RFTN1: variants seen among roughly 807,000 people sequenced by gnomAD.
RFTN1 encodes raftlin.
A neutral mutation model predicts 46.5 loss-of-function variants in RFTN1; 26 were observed. That is an observed-to-expected ratio of 0.56 (90% CI 0.41 to 0.78). RFTN1 has a LOEUF of 0.78. RFTN1 is among the 30% of genes least tolerant of loss of function. The pLI is 0.00. For synonymous variants in RFTN1, 261 were observed against 284.2 expected, an observed-to-expected ratio of 0.92 and a Z score of 0.82; for missense variants, 693 against 718.7, an observed-to-expected ratio of 0.96 and a Z score of 0.41.
At chr3:16,435,920 AT>A (rs2075502750) in intron 2 of RFTN1, among the ~76,000 whole-genome samples, 3 of 5,030 alleles carry the variant, frequency 6.0e-4, no homozygotes, top group Non-Finnish European at 1.0e-3. Flanking sequence ...AGATGTAAAT[AT>A]ATATATATAT....
chr3:16,503,627 C>T (rs534091075), intron 1 of RFTN1, among the ~76,000 whole-genome samples: 1 of 152,266 alleles, frequency 6.6e-6, no homozygotes, highest in African/African-American at 2.4e-5. Context: ...TACACCCTCA[C>T]CTCCAGGACT....
At position 16,400,322 on chromosome 3, in the gene RFTN1, C is replaced by A. The variant is rs2074570277; in HGVS notation, c.441+9053G>T. On this transcript the variant is annotated intron_variant, in intron 4 of 9. Coordinates refer to ENST00000334133, the MANE Select transcript of RFTN1 (RefSeq NM_015150.2). This position sits in a 1 kb window ranked among gnomAD's most constrained non-coding sequence, Gnocchi z 4.5. ...AGTCCCCACCACCTCCACCCTCCCT[C>A]CCCTGTTGACCCTCAGGTCTTGGTA... 6.6e-6 allele frequency among the ~76,000 whole-genome samples: 1 copy of A among 152,232 alleles called. No homozygotes were observed. Among genetic ancestry groups the A allele is most frequent in the South Asian group, 2.1e-4 (1 of 4,838 alleles).
chr3:16,438,800 G>A (rs1158181783), intron 2 of RFTN1, among the ~76,000 whole-genome samples: 2 of 151,960 alleles, frequency 1.3e-5, no homozygotes, highest in South Asian at 2.1e-4. Flanking sequence ...AATCACAGGC[G>A]GTGGCACTGG....
intron 4 of RFTN1, among the ~76,000 whole-genome samples, chr3:16,404,404 TAATATATATACACAATATAC>T: frequency 9.8e-6 from 1 of 101,760 alleles, no homozygotes; most frequent in South Asian, 2.7e-4. Context: ...ATACAATATA[TAATATATATACACAATATAC>T]ATATATTTTG....
intron 5 of RFTN1, among the ~76,000 whole-genome samples, chr3:16,375,033 GAGA>G (rs1478493549): frequency 1.3e-5 from 2 of 152,186 alleles, no homozygotes; most frequent in Non-Finnish European, 2.9e-5. Flanking sequence ...ATTAACTGAG[GAGA>G]AGGAGGGAAG....
intron 9 of RFTN1, among the ~76,000 whole-genome samples, chr3:16,318,615 G>A (rs184709054): frequency 1.3e-5 from 2 of 151,624 alleles, no homozygotes; most frequent in East Asian, 3.9e-4. Flanking sequence ...TACATTATAG[G>A]ATTCTTGGAT....
chr3:16,355,342 A>C (rs1208400117), intron 7 of RFTN1, among the ~76,000 whole-genome samples: 1 of 152,240 alleles, frequency 6.6e-6, no homozygotes, highest in African/African-American at 2.4e-5. Flanking sequence ...TTTATAAATA[A>C]TAGAAACTTA....
rs935155681 is a variant in RFTN1, at chr3:16,317,592, T to A, written c.1333-360A>T. On this transcript the variant is annotated intron_variant, in intron 9 of 9. Transcript: ENST00000334133. This position sits in a 1 kb window ranked among gnomAD's most constrained non-coding sequence, Gnocchi z 4.3. ...GAGGAGATGTGAGGCCTGCCCCCAG[T>A]AAGAGCCAGAGCTGCAGCTACTCAT... Among the ~76,000 whole-genome samples, 10 of 152,150 alleles carry A rather than the reference T, an allele frequency of 6.6e-5. No homozygotes were observed. Among genetic ancestry groups the A allele is most frequent in the African/African-American group, 2.4e-4 (10 of 41,426 alleles).
In RFTN1 at chr3:16,373,625, C is replaced by T. The variant is rs1303064718; in HGVS notation, c.827-3346G>A. 3.3e-5 allele frequency among the ~76,000 whole-genome samples: 5 copies of T among 152,290 alleles called. No homozygotes were observed. The East Asian group carries it at 5.8e-4, about 18-fold the overall frequency. ...CAGGGGACTGGCTGGGCCCTGCTGT[C>T]CCAGGAGACCTCTGGTCTGGAGAGA... is the stretch of plus-strand genomic sequence containing the variant. On this transcript the variant is annotated intron_variant, in intron 5 of 9. Transcript: ENST00000334133.
intron 2 of RFTN1, among the ~76,000 whole-genome samples, chr3:16,453,230 A>AAT (rs937469988): frequency 1.3e-5 from 2 of 152,212 alleles, no homozygotes; most frequent in Non-Finnish European, 2.9e-5. Context: ...CTATGCTCTT[A>AAT]ACCTCTACAC....
chr3:16,490,127 C>A (rs2076516539), intron 2 of RFTN1, among the ~76,000 whole-genome samples: 1 of 152,230 alleles, frequency 6.6e-6, no homozygotes, highest in Admixed American at 6.5e-5. Flanking sequence ...ACAGGCTCAT[C>A]TCAGCTAGAA....
chr3:16,443,249 T>G lies in RFTN1; in HGVS notation c.146-9212A>C, dbSNP rs2125516113. ...CACCAACACTTCTTATCTCTTGTAT[T>G]TTTGATAGTAGCCATTCTAACAGGT... On this transcript the variant is annotated intron_variant, in intron 2 of 9. Coordinates refer to ENST00000334133, the MANE Select transcript of RFTN1 (RefSeq NM_015150.2). The surrounding 1 kb of genome is among the most constrained non-coding windows in gnomAD (Gnocchi z 5.5). Among the ~76,000 whole-genome samples, 1 of 152,356 alleles carries G rather than the reference T, an allele frequency of 6.6e-6. No individual in the cohort carries two copies. The highest frequency in any genetic ancestry group is 2.4e-5 in the African/African-American group (1 of 41,586).
At position 16,370,751 on chromosome 3, in the gene RFTN1, A is replaced by C. The variant is rs2073463242; in HGVS notation, c.827-472T>G. 1 of 159,144 alleles carries C rather than the reference A, an allele frequency of 6.3e-6. No homozygotes were observed. The highest frequency in any genetic ancestry group is 1.8e-4 in the South Asian group (1 of 5,464). The allele number at this position is 159,144 out of a possible 1,614,324, so 9.9% of individuals were successfully genotyped here. The stretch of plus-strand genomic sequence containing the variant: ...GTACACTCCTGAACTCACTATTTAT[A>C]AACTGCAGTAGTGTTTCCTGGGGCT... On this transcript the variant is annotated intron_variant, in intron 5 of 9. Coordinates refer to ENST00000334133, the MANE Select transcript of RFTN1 (RefSeq NM_015150.2). This position sits in a 1 kb window ranked among gnomAD's most constrained non-coding sequence, Gnocchi z 5.5.
At position 16,504,556 on chromosome 3, in the gene RFTN1, C is replaced by T. The variant is rs1003162618; in HGVS notation, c.-9+8886G>A. On this transcript the variant is annotated intron_variant, in intron 1 of 9. Transcript: ENST00000334133. The surrounding 1 kb of genome is among the most constrained non-coding windows in gnomAD (Gnocchi z 4.4). ...TCAAAGATGTGAAATATCCCTTGGCCACCCTGTGCCTTTGCTGCAGTGCCT... is the reference window on the plus strand; with the variant it reads ...TCAAAGATGTGAAATATCCCTTGGCTACCCTGTGCCTTTGCTGCAGTGCCT... Among the ~76,000 whole-genome samples the T allele has an allele frequency of 6.6e-6, 1 of 152,192 alleles. No individual in the cohort carries two copies. Among genetic ancestry groups the T allele is most frequent in the African/African-American group, 2.4e-5 (1 of 41,434 alleles).
At chr3:16,357,582 T>C (rs532279367) in intron 7 of RFTN1, among the ~76,000 whole-genome samples, 3 of 152,166 alleles carry the variant, frequency 2.0e-5, no homozygotes, top group Non-Finnish European at 4.4e-5. Flanking sequence ...GGCTCCAATA[T>C]TGATGCTGCT....
chr3:16,505,874 T>C (rs1367907400), intron 1 of RFTN1, among the ~76,000 whole-genome samples: 5 of 152,206 alleles, frequency 3.3e-5, no homozygotes, highest in African/African-American at 1.2e-4. Context: ...TCTAGGCCAT[T>C]GATTCATCCA....
intron 5 of RFTN1, among the ~76,000 whole-genome samples, chr3:16,373,468 AG>A (rs367664868): frequency 1.1e-4 from 16 of 152,294 alleles, no homozygotes; most frequent in African/African-American, 3.6e-4. Context: ...CCAGGCTACT[AG>A]GGAGTGGGGA....
Position 16,352,747 on chromosome 3 carries a change from CTCTTT to C in RFTN1, c.1146+5180_1146+5184del, listed in dbSNP as rs1240855066. Among the ~76,000 whole-genome samples the C allele has an allele frequency of 6.6e-6, 1 of 152,192 alleles. No individual in the cohort carries two copies. The highest frequency in any genetic ancestry group is 1.5e-5 in the Non-Finnish European group (1 of 68,030). ...CATTCACAACTTTTTAATATATTTTCTCTTTTAATTCTCATCAATTTTGAGAGGTT... is the reference window on the plus strand; with the variant it reads ...CATTCACAACTTTTTAATATATTTTCTAATTCTCATCAATTTTGAGAGGTT... On this transcript the variant is annotated intron_variant, in intron 7 of 9. Coordinates refer to ENST00000334133, the MANE Select transcript of RFTN1 (RefSeq NM_015150.2). The surrounding 1 kb of genome is among the most constrained non-coding windows in gnomAD (Gnocchi z 4.6).
rs59877269 is a variant in RFTN1, at chr3:16,441,299, T to TAAAA, written c.146-7266_146-7263dup. The stretch of plus-strand genomic sequence containing the variant: ...ATAAATAAACCATTATTCCAAGAAC[T>TAAAA]AAAAAAAAAAAAAAAAAAAAAGGAA... On this transcript the variant is annotated intron_variant, in intron 2 of 9. Transcript: ENST00000334133. 5.4e-3 allele frequency among the ~76,000 whole-genome samples: 257 copies of TAAAA among 47,542 alleles called. 1 individual carries two copies. Among genetic ancestry groups the TAAAA allele is most frequent in the African/African-American group, 0.016 (241 of 15,056 alleles). The allele number at this position is 47,542 out of a possible 152,430, so 31.2% of individuals were successfully genotyped here.
Sources: allele counts gnomAD v4.1 joint callset (sites outside exome capture counted in the v4.1 genomes callset), GRCh38; gene constraint gnomAD v4.1.1; non-coding constraint Gnocchi (gnomAD v3.1); transcripts MANE v1.5; gene names NCBI Gene and HGNC (gene_info 2026-07-23, HGNC 2026-07-21).